Variants in CMKLR2 observed in about 807,000 individuals in gnomAD.
CMKLR2 encodes the protein chemerin chemokine-like receptor 2, also known as chemerin-like receptor 2.
CMKLR2 carries 18 observed loss-of-function variants against 23.0 expected under a neutral mutation model. That is an observed-to-expected ratio of 0.78 (90% CI 0.54 to 1.16). The LOEUF is 1.16. Among genes scored for constraint, CMKLR2 ranks in the 50% most tolerant of loss-of-function variants. The pLI is 0.00. For missense variants in CMKLR2, 401 were observed against 412.7 expected (o/e 0.97, Z 0.25); for synonymous variants, 158 against 158.9 (o/e 0.99, Z 0.05).
intron 1 of CMKLR2, among the ~76,000 whole-genome samples, chr2:206,196,390 A>AT (rs1276224911): frequency 7.0e-6 from 1 of 142,810 alleles, no homozygotes; most frequent in Admixed American, 7.3e-5. Flanking sequence ...AAATAAAAAT[A>AT]AAAATAAATA....
At position 206,176,138 on chromosome 2, in the gene CMKLR2, C is replaced by T; in HGVS notation, c.*42G>A. The T allele has an allele frequency of 1.5e-6, 2 of 1,360,568 alleles. No homozygotes were observed. Among genetic ancestry groups the T allele is most frequent in the South Asian group, 2.8e-5 (2 of 71,610 alleles). 84.3% of individuals were successfully genotyped at this position (1,360,568 alleles called of 1,614,324 possible). A position where few individuals can be genotyped will look rare whatever the true frequency, so the allele number is the denominator to read the frequency against. ...AATCTGAAAGCATCAGTCAGAGGAC[C>T]CACATAAAAAGCCATATACTGATTT... On this transcript the variant is annotated 3_prime_UTR_variant, in exon 2 of 2. Transcript: ENST00000621141.
intron 1 of CMKLR2, among the ~76,000 whole-genome samples, chr2:206,183,396 G>A (rs1688477198): frequency 6.6e-6 from 1 of 152,168 alleles, no homozygotes; most frequent in Admixed American, 6.6e-5. Flanking sequence ...GCCTGTTGAA[G>A]GCAACCGTCT....
intron 1 of CMKLR2, among the ~76,000 whole-genome samples, chr2:206,206,917 C>CTTCT (rs1553516175): frequency 0.021 from 2,666 of 126,142 alleles, 83 homozygotes; most frequent in East Asian, 0.14. Flanking sequence ...CCCCCTGCCC[C>CTTCT]TTTTTTTTTT....
chr2:206,194,893 A>G lies in CMKLR2; in HGVS notation c.-28-17618T>C, dbSNP rs1688872406. On this transcript the variant is annotated intron_variant, in intron 1 of 1. Coordinates refer to ENST00000621141, the MANE Select transcript of CMKLR2 (RefSeq NM_001389445.1). ...CTCAGGCTCCCAAGTAGCTGGGACT[A>G]CAGGCACCAGCCACAAAGCCTGGCT... is the stretch of plus-strand genomic sequence containing the variant. Among the ~76,000 whole-genome samples the G allele has an allele frequency of 2.6e-5, 4 of 151,840 alleles. No homozygotes were observed. In the South Asian group the frequency reaches 8.3e-4, roughly 32 times the overall value.
intron 1 of CMKLR2, among the ~76,000 whole-genome samples, chr2:206,188,136 G>T (rs536097598): frequency 6.6e-6 from 1 of 152,100 alleles, no homozygotes; most frequent in Non-Finnish European, 1.5e-5. Context: ...GTTTTGCCAC[G>T]TTGGACAGGC....
At position 206,204,490 on chromosome 2, in the gene CMKLR2, A is replaced by G. The variant is rs141247452; in HGVS notation, c.-29+8817T>C. On this transcript the variant is annotated intron_variant, in intron 1 of 1. Coordinates refer to ENST00000621141, the MANE Select transcript of CMKLR2 (RefSeq NM_001389445.1). ...TAGCAAATTCTCGGGCTTCTAGCTA[A>G]TTTAATGATCAATGGCTCTAATCAG... Among the ~76,000 whole-genome samples the G allele has an allele frequency of 8.0e-4, 122 of 152,270 alleles. 1 individual carries two copies. Among genetic ancestry groups the G allele is most frequent in the African/African-American group, 2.7e-3 (111 of 41,562 alleles).
In CMKLR2 at chr2:206,176,488, C is replaced by T; in HGVS notation, c.760G>A (p.Ala254Thr). 2 of 1,614,106 alleles carry T rather than the reference C, an allele frequency of 1.2e-6. No homozygotes were observed. Among genetic ancestry groups the T allele is most frequent in the Non-Finnish European group, 1.7e-6 (2 of 1,180,018 alleles). ...HFWTILVVVV[A>T]FVVCWTPYHL... ...TAAGGAGTCCAGCAAACCACAAAGG[C>T]CACAACCACAACCAGAATTGTCCAG... Residue 254 changes from alanine (A) to threonine (T), a missense_variant, in exon 2 of 2, where the codon GCC becomes ACC. By Grantham distance (58) the Ala-to-Thr change is moderately conservative. Transcript: ENST00000621141.
chr2:206,215,247 G>C (rs60717911), upstream of CMKLR2, among the ~76,000 whole-genome samples: 2,229 of 152,250 alleles, frequency 0.015, 58 homozygotes, highest in African/African-American at 0.051. Flanking sequence ...GTCAGTGAAG[G>C]GGGTACTTAG....
At chr2:206,189,644 A>G (rs1206101768) in intron 1 of CMKLR2, among the ~76,000 whole-genome samples, 3 of 151,862 alleles carry the variant, frequency 2.0e-5, no homozygotes, top group African/African-American at 7.2e-5. Context: ...AAAAAGAAAA[A>G]AAAAAAAGAA....
intron 1 of CMKLR2, among the ~76,000 whole-genome samples, chr2:206,200,742 C>T (rs944273037): frequency 1.3e-5 from 2 of 152,314 alleles, no homozygotes; most frequent in Admixed American, 1.3e-4. Flanking sequence ...GGATTACAGG[C>T]ATGTGCCATC....
Position 206,177,192 on chromosome 2 carries a change from AG to A in CMKLR2, c.55del (p.Leu19Ter). The A allele has an allele frequency of 6.2e-7, 1 of 1,613,374 alleles. No individual in the cohort carries two copies. The highest frequency in any genetic ancestry group is 8.5e-7 in the Non-Finnish European group (1 of 1,179,646). ...FEEFENYSYD[L>X]DYYSLESDLE... is the part of the protein sequence containing the mutation. ...ATCAGACTCCAGAGAGTAATAGTCT[AG>A]GTCATAGGAATAGTTTTCAAATTCT... On this transcript the variant is annotated frameshift_variant, in exon 2 of 2. Transcript: ENST00000621141. LOFTEE classifies it high-confidence loss of function.
rs775320834 is a variant in CMKLR2, at chr2:206,176,611, T to A, written c.637A>T (p.Ile213Phe). Residue 213 changes from isoleucine to phenylalanine, a missense_variant, in exon 2 of 2, where the codon ATT (isoleucine) becomes TTT (phenylalanine). Transcript: ENST00000621141. ...GTTAGCAAAGGGAAGAGATAGCCAATGATAAATTTCACCCAAGTCAGAACA... is the reference window on the plus strand; with the variant it reads ...GTTAGCAAAGGGAAGAGATAGCCAAAGATAAATTTCACCCAAGTCAGAACA... ...HHVLTWVKFI[I>F]GYLFPLLTMS... 17 of 1,614,030 alleles carry A rather than the reference T, an allele frequency of 1.1e-5. No homozygotes were observed. Among genetic ancestry groups the A allele is most frequent in the Admixed American group, 1.7e-5 (1 of 59,998 alleles).
intron 1 of CMKLR2, among the ~76,000 whole-genome samples, chr2:206,183,892 A>G (rs1466089846): frequency 2.6e-5 from 4 of 152,198 alleles, no homozygotes; most frequent in African/African-American, 9.7e-5. Context: ...TCCAGACCTC[A>G]TTTAAACCTT....
chr2:206,181,994 C>T (rs532375736), intron 1 of CMKLR2, among the ~76,000 whole-genome samples: 1 of 133,776 alleles, frequency 7.5e-6, no homozygotes. Flanking sequence ...AGGAAGAAAA[C>T]ATGTATTTAC....
intron 1 of CMKLR2, among the ~76,000 whole-genome samples, chr2:206,191,603 A>G (rs1688748400): frequency 6.6e-6 from 1 of 151,794 alleles, no homozygotes; most frequent in African/African-American, 2.4e-5. Context: ...GTTTATCACC[A>G]TATCTGGTTA....
At chr2:206,214,165 A>ATTTTTTTTTTTTTTTTTTT (rs34307347), upstream of CMKLR2, among the ~76,000 whole-genome samples, 7 of 64,938 alleles carry the variant, frequency 1.1e-4, 1 homozygote, top group African/African-American at 2.6e-4. Context: ...TAAAGACTTG[A>ATTTTTTTTTTTTTTTTTTT]TTTTTTTTTT....
intron 1 of CMKLR2, among the ~76,000 whole-genome samples, chr2:206,186,919 G>A (rs1008643390): frequency 6.6e-6 from 1 of 151,900 alleles, no homozygotes; most frequent in Non-Finnish European, 1.5e-5. Context: ...CAGGCACAGG[G>A]GCCCACACCT....
chr2:206,186,888 T>C (rs10186835), intron 1 of CMKLR2, among the ~76,000 whole-genome samples: 55,064 of 150,664 alleles, frequency 0.37, 10,211 homozygotes, highest in African/African-American at 0.43. Flanking sequence ...CCAGTTACCC[T>C]GATTAGATAA....
At chr2:206,212,699 A>T (rs1177336995) in intron 1 of CMKLR2, among the ~76,000 whole-genome samples, 3 of 152,244 alleles carry the variant, frequency 2.0e-5, no homozygotes, top group Non-Finnish European at 2.9e-5. Flanking sequence ...CAATTATTCT[A>T]ACAAGAAATT....
Sources: gnomAD v4.1 joint callset for allele counts (sites outside exome capture counted in the v4.1 genomes callset) on GRCh38, gnomAD v4.1.1 for gene constraint, MANE v1.5 for transcripts, NCBI Gene and HGNC (gene_info 2026-07-23, HGNC 2026-07-21) for gene names.